Variants in TMPRSS11D observed in about 807,000 individuals in gnomAD.
TMPRSS11D encodes transmembrane serine protease 11D, also known as transmembrane protease serine 11D.
Under a neutral mutation model 44.4 loss-of-function variants are expected in TMPRSS11D, and 32 were observed. The ratio of observed to expected loss-of-function variants is 0.72; its 90% CI spans 0.54 to 0.97. The LOEUF (loss-of-function observed/expected upper bound fraction) is 0.97, where lower values mean the gene tolerates loss of function less well. Ranked by LOEUF, TMPRSS11D falls within the 50% of genes least tolerant of loss-of-function variation. The pLI, the probability that TMPRSS11D is intolerant of heterozygous loss-of-function variation, is 0.00. For synonymous variants in TMPRSS11D, 179 were observed against 177.9 expected (o/e 1.01, Z -0.05); for missense variants, 446 against 502.6 (o/e 0.89, Z 1.08).
In TMPRSS11D at chr4:67,878,752, C is replaced by T. The variant is rs10023103; in HGVS notation, c.8+5174G>A. 2.1e-3 allele frequency among the ~76,000 whole-genome samples: 317 copies of T among 152,074 alleles called. 2 individuals are homozygous for T. Among genetic ancestry groups the T allele is most frequent in the African/African-American group, 7.1e-3 (293 of 41,486 alleles). Reference sequence around the variant, plus strand: ...CAGCCTGACCAACATGGTGAAACCCCGTCTCTACTAAAAATACAAAAATTG... The same window carrying T: ...CAGCCTGACCAACATGGTGAAACCCTGTCTCTACTAAAAATACAAAAATTG... On this transcript the variant is annotated intron_variant, in intron 1 of 9. Transcript: ENST00000283916.
intron 7 of TMPRSS11D, among the ~76,000 whole-genome samples, chr4:67,832,439 C>G (rs1297753477): frequency 1.3e-5 from 2 of 151,866 alleles, no homozygotes; most frequent in East Asian, 3.9e-4. Flanking sequence ...GTGAACTTTT[C>G]TTTTTACCAA....
chr4:67,873,625 A>G (rs1330821699), intron 1 of TMPRSS11D, among the ~76,000 whole-genome samples: 1 of 152,158 alleles, frequency 6.6e-6, no homozygotes, highest in East Asian at 1.9e-4. Flanking sequence ...GCACTTCTCA[A>G]TTTTTAGTGG....
chr4:67,879,373 C>T (rs895250614), intron 1 of TMPRSS11D, among the ~76,000 whole-genome samples: 8 of 149,762 alleles, frequency 5.3e-5, no homozygotes, highest in African/African-American at 1.7e-4. Context: ...CCCAGCTACT[C>T]GGCAGGCTGA....
At chr4:67,822,672 G>A (rs1717678415) in intron 9 of TMPRSS11D, among the ~76,000 whole-genome samples, 174 bp from the exon 10 acceptor site, 1 of 152,144 alleles carries the variant, frequency 6.6e-6, no homozygotes, top group Non-Finnish European at 1.5e-5. Context: ...AATCCTCAAA[G>A]TACCCAAGTC....
chr4:67,827,110 G>T (rs1435784441), intron 8 of TMPRSS11D, 151 bp downstream of exon 8: 3 of 923,056 alleles, frequency 3.3e-6, no homozygotes, highest in Non-Finnish European at 4.6e-6. Context: ...GAGACTCAGG[G>T]GTAGCCAGAG....
At chr4:67,875,458 G>C (rs1236145404) in intron 1 of TMPRSS11D, among the ~76,000 whole-genome samples, 1 of 152,094 alleles carries the variant, frequency 6.6e-6, no homozygotes. Context: ...CTAGCCCATG[G>C]ATAGATCCTC....
At chr4:67,844,684 C>T (rs936219753) in intron 3 of TMPRSS11D, among the ~76,000 whole-genome samples, 2 of 151,834 alleles carry the variant, frequency 1.3e-5, no homozygotes, top group African/African-American at 4.8e-5. Context: ...GAGGCTGGGG[C>T]AGGAGAATCA....
chr4:67,845,793 C>G (rs556183473), intron 3 of TMPRSS11D, among the ~76,000 whole-genome samples: 28 of 152,190 alleles, frequency 1.8e-4, no homozygotes, highest in South Asian at 8.3e-4. Context: ...CCATAATATT[C>G]ATAATCAAAA....
chr4:67,847,511 C>A (rs1449231381), intron 3 of TMPRSS11D, among the ~76,000 whole-genome samples: 1 of 152,114 alleles, frequency 6.6e-6, no homozygotes, highest in Non-Finnish European at 1.5e-5. Context: ...ATAATATAAT[C>A]TTTCAATCTA....
At chr4:67,877,818 G>A (rs1242179456) in intron 1 of TMPRSS11D, among the ~76,000 whole-genome samples, 3 of 152,080 alleles carry the variant, frequency 2.0e-5, no homozygotes, top group Admixed American at 6.5e-5. Context: ...TCCAAGCCAC[G>A]TTTATCCTTT....
At chr4:67,858,433 AG>A (rs1718710490) in intron 2 of TMPRSS11D, among the ~76,000 whole-genome samples, 1 of 152,196 alleles carries the variant, frequency 6.6e-6, no homozygotes, top group Non-Finnish European at 1.5e-5. Flanking sequence ...CCTTAGGGGT[AG>A]GTGACTCCAG....
intron 9 of TMPRSS11D, among the ~76,000 whole-genome samples, chr4:67,825,196 C>T (rs1348081): frequency 0.81 from 122,655 of 151,700 alleles, 50,234 homozygotes; most frequent in Middle Eastern, 0.91. Flanking sequence ...TATTACGTAT[C>T]TCTTAAAATT....
intron 7 of TMPRSS11D, among the ~76,000 whole-genome samples, chr4:67,831,440 G>A (rs1182366506): frequency 6.6e-6 from 1 of 152,070 alleles, no homozygotes; most frequent in Admixed American, 6.6e-5. Flanking sequence ...ATGTGGGGTG[G>A]CAAAATTCAA....
At chr4:67,847,167 G>A (rs550379239) in intron 3 of TMPRSS11D, among the ~76,000 whole-genome samples, 33 of 152,308 alleles carry the variant, frequency 2.2e-4, no homozygotes, top group African/African-American at 7.2e-4. Context: ...GCCTCCCAAA[G>A]TGCTGGGATT....
chr4:67,870,187 T>A (rs1469848942), intron 1 of TMPRSS11D, among the ~76,000 whole-genome samples: 1 of 152,222 alleles, frequency 6.6e-6, no homozygotes, highest in African/African-American at 2.4e-5. Flanking sequence ...AGGATAACCA[T>A]GGGTATTTAT....
At chr4:67,843,702 C>T (rs956983092) in intron 3 of TMPRSS11D, among the ~76,000 whole-genome samples, 18 of 151,834 alleles carry the variant, frequency 1.2e-4, no homozygotes, top group Non-Finnish European at 2.5e-4. Flanking sequence ...GGCAGGTGGA[C>T]CTTGAGGTCA....
At chr4:67,873,919 T>C (rs546790259) in intron 1 of TMPRSS11D, among the ~76,000 whole-genome samples, 121 of 152,304 alleles carry the variant, frequency 7.9e-4, no homozygotes, top group African/African-American at 2.6e-3. Flanking sequence ...CCTTAACTTA[T>C]TGCTTCATCA....
At chr4:67,842,408 TGGCA>T in intron 4 of TMPRSS11D, 146 bp downstream of exon 4, 4 of 697,086 alleles carry the variant, frequency 5.7e-6, no homozygotes, top group Admixed American at 2.8e-5. Flanking sequence ...TTGGCTTTTT[TGGCA>T]TTGGTTTTTA....
chr4:67,865,452 C>T (rs1466812068), intron 1 of TMPRSS11D, among the ~76,000 whole-genome samples: 2 of 151,574 alleles, frequency 1.3e-5, no homozygotes, highest in African/African-American at 4.8e-5. Flanking sequence ...AAACTCTAAA[C>T]TAGCAGAAGA....
Sources: gnomAD v4.1 joint callset for allele counts (sites outside exome capture counted in the v4.1 genomes callset) on GRCh38, gnomAD v4.1.1 for gene constraint, MANE v1.5 for transcripts, NCBI Gene and HGNC (gene_info 2026-07-23, HGNC 2026-07-21) for gene names.